PIK3C2B: variants seen among roughly 807,000 people sequenced by gnomAD.
PIK3C2B encodes the protein phosphatidylinositol-4-phosphate 3-kinase catalytic subunit type 2 beta, also known as phosphatidylinositol 4-phosphate 3-kinase C2 domain-containing subunit beta.
PIK3C2B carries 83 observed loss-of-function variants against 184.3 expected under a neutral mutation model. The observed-to-expected ratio is 0.45, with a 90% CI of 0.38 to 0.54. The LOEUF (loss-of-function observed/expected upper bound fraction) is 0.54, where lower values mean the gene tolerates loss of function less well. Ranked by LOEUF, PIK3C2B falls within the 20% of genes least tolerant of loss-of-function variation. The pLI, the probability that PIK3C2B is intolerant of heterozygous loss-of-function variation, is 0.00. For synonymous variants in PIK3C2B, 779 were observed against 837.6 expected (o/e 0.93, Z 1.21); for missense variants, 1,736 against 2,113.5 (o/e 0.82, Z 3.50).
At chr1:204,427,500 A>G (rs1328454853) in intron 31 of PIK3C2B, 148 bp downstream of exon 31, 3 of 609,788 alleles carry the variant, frequency 4.9e-6, no homozygotes, top group Non-Finnish European at 8.8e-6. Flanking sequence ...TAGTCATACC[A>G]TAGGCTTGCT....
chr1:204,461,384 C>T (rs959971475), intron 5 of PIK3C2B, among the ~76,000 whole-genome samples: 4 of 152,192 alleles, frequency 2.6e-5, no homozygotes, highest in African/African-American at 4.8e-5. Flanking sequence ...TCCCAAATCA[C>T]ACCTTCAACA....
rs1572419516 is a variant in PIK3C2B at position 204,494,766 on chromosome 1, C to T, written c.-495G>A. On this transcript the variant is annotated 5_prime_UTR_variant, in exon 1 of 33. Coordinates refer to ENST00000684373, the MANE Select transcript of PIK3C2B (RefSeq NM_001377334.1). ...CTCGGCCAGACCCTGCCTGGACAGG[C>T]AGGCACCCGGCCGCCGGCTCCAGCC... 3.3e-5 allele frequency: 5 copies of T among 152,314 alleles called. 1 individual carries two copies. Among genetic ancestry groups the T allele is most frequent in the Admixed American group, 2.6e-4 (4 of 15,306 alleles). The allele number at this position is 152,314 out of a possible 1,614,324, so 9.4% of individuals were successfully genotyped here.
Position 204,469,497 on chromosome 1 carries a change from CGGCCCTTCCTGTGGG to C in PIK3C2B, c.291_305del (p.Gln99_Pro103del). The C allele has an allele frequency of 1.2e-6, 2 of 1,607,418 alleles. No homozygotes were observed. Among genetic ancestry groups the C allele is most frequent in the Non-Finnish European group, 1.7e-6 (2 of 1,176,718 alleles). On this transcript the variant is annotated inframe_deletion, in exon 2 of 33. Coordinates refer to ENST00000684373, the MANE Select transcript of PIK3C2B (RefSeq NM_001377334.1). ...GCCCTTGGGAGGTAGAGTGGTTGGGCGGCCCTTCCTGTGGGGAGAGTGAGTTGTAGTTAAGGGTAG... is the reference window on the plus strand; with the variant it reads ...GCCCTTGGGAGGTAGAGTGGTTGGGCGAGAGTGAGTTGTAGTTAAGGGTAG...
rs995264587 is a variant in PIK3C2B at position 204,454,821 on chromosome 1, C to A, written c.1944-30G>T. On this transcript the variant is annotated intron_variant, in intron 11 of 32. Transcript: ENST00000684373. The stretch of plus-strand genomic sequence containing the variant: ...AAAAGAAAGGGAGCAGGTCAGGACA[C>A]CCAGCTCCCAAAACCAATCACCCAA... 1.9e-6 allele frequency: 3 copies of A among 1,596,700 alleles called. No individual in the cohort carries two copies. The South Asian group carries it at 3.3e-5, about 18-fold the overall frequency.
At chr1:204,452,771 C>T (rs980603189) in intron 12 of PIK3C2B, among the ~76,000 whole-genome samples, 12 of 150,934 alleles carry the variant, frequency 8.0e-5, no homozygotes, top group Non-Finnish European at 1.5e-4. Context: ...TCTCCCACCT[C>T]AGCCTCTTAA....
intron 31 of PIK3C2B, 60 bp from the exon 32 acceptor site, chr1:204,425,801 C>T (rs933189246): frequency 3.0e-5 from 46 of 1,509,936 alleles, no homozygotes; most frequent in Middle Eastern, 1.8e-4. Context: ...TCTTCACCAC[C>T]ATTCCTGTGA....
At chr1:204,494,235 C>A (rs1467143965) in intron 1 of PIK3C2B, 121 bp downstream of exon 1, 1 of 152,442 alleles carries the variant, frequency 6.6e-6, no homozygotes, top group African/African-American at 2.4e-5. Context: ...TCGGCTGCTT[C>A]CATTGTTGCA....
Position 204,447,526 on chromosome 1 carries a change from T to C in PIK3C2B, c.2399A>G (p.Asp800Gly). ...FDIKFTSPPG[D>G]KFSPRYEFGS... ...AAACTCATAGCGGGGGCTGAACTTGTCTCCAGGGGGGCTGGTGAACTTGAT... is the reference window on the plus strand; with the variant it reads ...AAACTCATAGCGGGGGCTGAACTTGCCTCCAGGGGGGCTGGTGAACTTGAT... The change falls in exon 15 of 33, where the codon GAC becomes GGC. Residue 800 changes from aspartate to glycine, a missense_variant. Asp to Gly is a moderately conservative substitution (Grantham distance 94). This residue lies in a region of PIK3C2B where 609 missense variants were observed against 699.2 expected (regional missense o/e 0.87). Coordinates refer to ENST00000684373, the MANE Select transcript of PIK3C2B (RefSeq NM_001377334.1). The surrounding 1 kb of genome is among the most constrained non-coding windows in gnomAD (Gnocchi z 4.1). 1 of 1,604,340 alleles carries C rather than the reference T, an allele frequency of 6.2e-7. No individual in the cohort carries two copies. Among genetic ancestry groups the C allele is most frequent in the East Asian group, 2.3e-5 (1 of 44,148 alleles).
intron 31 of PIK3C2B, 62 bp from the exon 32 acceptor site, chr1:204,425,803 T>C: frequency 6.7e-7 from 1 of 1,495,154 alleles, no homozygotes; most frequent in Non-Finnish European, 9.3e-7. Flanking sequence ...TTCACCACCA[T>C]TCCTGTGATC....
chr1:204,432,121 G>A, intron 27 of PIK3C2B, 79 bp downstream of exon 27: 1 of 1,288,808 alleles, frequency 7.8e-7, no homozygotes, highest in Non-Finnish European at 1.1e-6. Flanking sequence ...CACTGTGCAA[G>A]TGTGGAAAAA....
chr1:204,457,219 G>T (rs1165013016), intron 9 of PIK3C2B, 149 bp from the exon 10 acceptor site: 5 of 670,588 alleles, frequency 7.5e-6, no homozygotes, highest in Non-Finnish European at 1.3e-5. Context: ...AGAGAGTAAT[G>T]GTTTGTACCA....
rs1463456960 is a variant in PIK3C2B at position 204,464,332 on chromosome 1, G to A, written c.1189+118C>T. 4 of 1,175,466 alleles carry A rather than the reference G, an allele frequency of 3.4e-6. No homozygotes were observed. In the African/African-American group the frequency reaches 4.6e-5, roughly 13 times the overall value. 72.8% of individuals were successfully genotyped at this position (1,175,466 alleles called of 1,614,324 possible). ...CATAGCCAGCCCCTCACCCCCAAAGGAGCATCCTCACTGCCCTTCATCTGG... is the reference window on the plus strand; with the variant it reads ...CATAGCCAGCCCCTCACCCCCAAAGAAGCATCCTCACTGCCCTTCATCTGG... On this transcript the variant is annotated intron_variant, in intron 4 of 32. Transcript: ENST00000684373.
At chr1:204,444,021 C>T (rs745406960) in intron 18 of PIK3C2B, 47 bp downstream of exon 18, 12 of 1,291,678 alleles carry the variant, frequency 9.3e-6, no homozygotes, top group Non-Finnish European at 1.2e-5. Context: ...AATACTCCTA[C>T]GTGAAAGACA....
At position 204,449,190 on chromosome 1, in the gene PIK3C2B, G is replaced by A; in HGVS notation, c.2341C>T (p.Leu781=). 1 of 1,606,386 alleles carries A rather than the reference G, an allele frequency of 6.2e-7. No individual in the cohort carries two copies. The highest frequency in any genetic ancestry group is 8.5e-7 in the Non-Finnish European group (1 of 1,174,840). The change falls in exon 14 of 33, where the codon CTG becomes TTG. Residue 781 remains leucine (L), a synonymous_variant. Transcript: ENST00000684373. The part of the protein sequence containing the change: ...PNFHQPDSVI[L]QIDFPTSAFD... ...GGGAAGGGCTAAAGCCTCACCTGCA[G>A]GATGACACTGTCTGGCTGGTGGAAA...
At chr1:204,460,224 A>C (rs1285175202) in intron 7 of PIK3C2B, 100 bp downstream of exon 7, 2 of 976,908 alleles carry the variant, frequency 2.0e-6, no homozygotes, top group Non-Finnish European at 1.6e-6. Context: ...TGACACCTGC[A>C]AGAATCCCTT....
At chr1:204,462,541 G>A (rs1258367961) in intron 5 of PIK3C2B, among the ~76,000 whole-genome samples, 1 of 152,196 alleles carries the variant, frequency 6.6e-6, no homozygotes, top group Admixed American at 6.5e-5. Flanking sequence ...TCTAACAGTG[G>A]CAGGCCACCT....
At position 204,424,825 on chromosome 1, in the gene PIK3C2B, G is replaced by T; in HGVS notation, c.*27C>A. ...TCCCCCAGCTCCTGCCACCAGCCTG[G>T]GATGCTGGGTGGTGGCTCTGCTGGG... On this transcript the variant is annotated 3_prime_UTR_variant, in exon 33 of 33. Transcript: ENST00000684373. 6.2e-7 allele frequency: 1 copy of T among 1,608,602 alleles called. No homozygotes were observed. Among genetic ancestry groups the T allele is most frequent in the Non-Finnish European group, 8.5e-7 (1 of 1,175,200 alleles).
chr1:204,438,188 G>A (rs1264255972), intron 23 of PIK3C2B, among the ~76,000 whole-genome samples: 1 of 152,152 alleles, frequency 6.6e-6, no homozygotes, highest in Non-Finnish European at 1.5e-5. Flanking sequence ...AAAATTATAC[G>A]AATTAGCATT....
rs3038310 is a variant in PIK3C2B at position 204,493,524 on chromosome 1, A to AACACACACACACACACACACACACAC, written c.-85+806_-85+831dup. 7.9e-3 allele frequency among the ~76,000 whole-genome samples: 1,143 copies of AACACACACACACACACACACACACAC among 143,936 alleles called. 13 individuals are homozygous for AACACACACACACACACACACACACAC. Among genetic ancestry groups the AACACACACACACACACACACACACAC allele is most frequent in the Middle Eastern group, 0.025 (7 of 282 alleles). 94.4% of individuals were successfully genotyped at this position (143,936 alleles called of 152,430 possible). A position where few individuals can be genotyped will look rare whatever the true frequency, so the allele number is the denominator to read the frequency against. Reference sequence around the variant, plus strand: ...TGAAGGAGCAAGAGCAATGGCAGAAAACACACACACACACACACACACACA... The same window carrying AACACACACACACACACACACACACAC: ...TGAAGGAGCAAGAGCAATGGCAGAAAACACACACACACACACACACACACACACACACACACACACACACACACACA... On this transcript the variant is annotated intron_variant, in intron 1 of 32. Coordinates refer to ENST00000684373, the MANE Select transcript of PIK3C2B (RefSeq NM_001377334.1).
Sources: gnomAD v4.1 joint callset for allele counts (sites outside exome capture counted in the v4.1 genomes callset) on GRCh38, gnomAD v4.1.1 for gene constraint, gnomAD v4.1.1 regional missense constraint, Gnocchi (gnomAD v3.1) non-coding constraint, MANE v1.5 for transcripts, NCBI Gene and HGNC (gene_info 2026-07-23, HGNC 2026-07-21) for gene names.